Variants in ZBTB21 observed in about 807,000 individuals in gnomAD.
The protein encoded by ZBTB21 is zinc finger and BTB domain containing 21.
In ZBTB21, 10 loss-of-function variants were observed where a neutral mutation model predicts 39.8. The observed-to-expected ratio is 0.25, with a 90% CI of 0.16 to 0.43. The LOEUF (loss-of-function observed/expected upper bound fraction) is 0.43, where lower values mean the gene tolerates loss of function less well. Among genes scored for constraint, ZBTB21 ranks in the 20% least tolerant of loss-of-function variants. The pLI is 1.00. For missense variants in ZBTB21, 1,221 were observed against 1,296.3 expected (o/e 0.94, Z 0.89); for synonymous variants, 551 against 498.8 (o/e 1.10, Z -1.40).
At chr21:42,001,154 A>G (rs1227779777) in intron 2 of ZBTB21, among the ~76,000 whole-genome samples, 1 of 151,402 alleles carries the variant, frequency 6.6e-6, no homozygotes, top group Non-Finnish European at 1.5e-5. Flanking sequence ...GATAAGTAGC[A>G]GAGCAGGATT....
chr21:41,992,429 C>G lies in ZBTB21; in HGVS notation c.1667G>C (p.Arg556Thr). Residue 556 changes from arginine to threonine, a missense_variant, in exon 3 of 3, where the codon AGA becomes ACA. Arg to Thr is a moderately conservative substitution (Grantham distance 71). Around this residue, in one of 4 missense-constraint regions of ZBTB21, gnomAD observed 90 missense variants for 133.1 expected, o/e 0.68. Coordinates refer to ENST00000310826, the MANE Select transcript of ZBTB21 (RefSeq NM_001098402.2). The surrounding 1 kb of genome is among the most constrained non-coding windows in gnomAD (Gnocchi z 4.1). ...FKCKHCLKIFRSTAGLHRHVN... is the reference protein window; with the variant it reads ...FKCKHCLKIFTSTAGLHRHVN... The stretch of plus-strand genomic sequence containing the variant: ...ATGACGGTGAAGACCTGCTGTTGAT[C>G]TAAAGATCTTAAGGCAATGTTTGCA... The G allele has an allele frequency of 1.2e-6, 2 of 1,614,140 alleles. No individual in the cohort carries two copies. Among genetic ancestry groups the G allele is most frequent in the South Asian group, 1.1e-5 (1 of 91,078 alleles).
At chr21:41,997,444 C>T (rs2065761821) in intron 2 of ZBTB21, among the ~76,000 whole-genome samples, 1 of 151,880 alleles carries the variant, frequency 6.6e-6, no homozygotes, top group Non-Finnish European at 1.5e-5. Context: ...AGGGTGGTGG[C>T]ATGTGCCTGT....
rs2065616041 is a variant in ZBTB21, at chr21:41,989,063, A to C, written c.*1832T>G. On this transcript the variant is annotated 3_prime_UTR_variant, in exon 3 of 3. Transcript: ENST00000310826. ...CCCATATGCTTTAGTTTTATCCTTA[A>C]AATGCATAGATTTCTTTAAGAAAAC... is the stretch of plus-strand genomic sequence containing the variant. 1 of 152,154 alleles carries C rather than the reference A, an allele frequency of 6.6e-6. No individual in the cohort carries two copies. The highest frequency in any genetic ancestry group is 1.5e-5 in the Non-Finnish European group (1 of 67,994). 9.4% of individuals were successfully genotyped at this position (152,154 alleles called of 1,614,324 possible). A position where few individuals can be genotyped will look rare whatever the true frequency, so the allele number is the denominator to read the frequency against.
chr21:41,992,350 C>G lies in ZBTB21; in HGVS notation c.1746G>C (p.Lys582Asn). 6.8e-6 allele frequency: 11 copies of G among 1,614,184 alleles called. No homozygotes were observed. Among genetic ancestry groups the G allele is most frequent in the Non-Finnish European group, 9.3e-6 (11 of 1,180,036 alleles). ...ACACTTTGAAGTTGGTGTGAAACCT[C>G]TTGTGACAGATGTCACAAGCGTAGG... is the stretch of plus-strand genomic sequence containing the variant. Reference protein sequence around the residue: ...EKPYACDICHKRFHTNFKVWT... With the variant: ...EKPYACDICHNRFHTNFKVWT... Residue 582 changes from lysine (K) to asparagine (N), a missense_variant, in exon 3 of 3, where the codon AAG (lysine) becomes AAC (asparagine). Around this residue, in one of 4 missense-constraint regions of ZBTB21, gnomAD observed 90 missense variants for 133.1 expected, o/e 0.68. Coordinates refer to ENST00000310826, the MANE Select transcript of ZBTB21 (RefSeq NM_001098402.2). This position sits in a 1 kb window ranked among gnomAD's most constrained non-coding sequence, Gnocchi z 4.1.
Position 41,993,539 on chromosome 21 carries a change from G to C in ZBTB21, c.557C>G (p.Thr186Ser). The C allele has an allele frequency of 1.2e-6, 2 of 1,614,202 alleles. No homozygotes were observed. The highest frequency in any genetic ancestry group is 1.3e-5 in the African/African-American group (1 of 75,038). ...TGGTTTTGGGACATGTGGCTTATTG[G>C]TATTGGCCTTGACTGCAATGCTAGG... ...PSPSIAVKAN[T>S]NKPHVPKPIE... Residue 186 changes from threonine to serine, a missense_variant, in exon 3 of 3, where the codon ACC (threonine) becomes AGC (serine). Physicochemically the swap from Thr to Ser is moderately conservative, Grantham distance 58. This residue lies in a region of ZBTB21 where 500 missense variants were observed against 465.6 expected (regional missense o/e 1.07). Coordinates refer to ENST00000310826, the MANE Select transcript of ZBTB21 (RefSeq NM_001098402.2).
chr21:41,993,723 G>C lies in ZBTB21; in HGVS notation c.373C>G (p.Pro125Ala), dbSNP rs755389573. 6.8e-6 allele frequency: 11 copies of C among 1,613,930 alleles called. No homozygotes were observed. The highest frequency in any genetic ancestry group is 1.6e-4 in the Middle Eastern group (1 of 6,084). ...TTTCTATTAGGACACGTTGGAAAGG[G>C]GGCTTGAGGTGTTTTAGAAACGATG... The part of the protein sequence containing the change: ...TNIVSKTPQA[P>A]FPTCPNRKKV... Residue 125 changes from proline to alanine, a missense_variant, in exon 3 of 3, where the codon CCC becomes GCC. By Grantham distance (27) the Pro-to-Ala change is conservative. Coordinates refer to ENST00000310826, the MANE Select transcript of ZBTB21 (RefSeq NM_001098402.2).
chr21:41,993,228 AG>A lies in ZBTB21; in HGVS notation c.867del (p.Tyr290IlefsTer3). 1 of 1,611,886 alleles carries A rather than the reference AG, an allele frequency of 6.2e-7. No homozygotes were observed. The highest frequency in any genetic ancestry group is 8.5e-7 in the Non-Finnish European group (1 of 1,180,032). On this transcript the variant is annotated frameshift_variant, in exon 3 of 3. Coordinates refer to ENST00000310826, the MANE Select transcript of ZBTB21 (RefSeq NM_001098402.2). LOFTEE classifies it high-confidence loss of function. ...CCTTTGTTAGTTTCTTTTAATAGAT[AG>A]GGAGTCTCTGATGAGCTACAAACAG... Reference protein sequence around the residue: ...VLSVCSSSETPYLLKETNKGN... With the variant: ...VLSVCSSSETXYLLKETNKGN...
chr21:42,000,946 T>A (rs545630911), intron 2 of ZBTB21, among the ~76,000 whole-genome samples: 1 of 152,358 alleles, frequency 6.6e-6, no homozygotes, highest in South Asian at 2.1e-4. Flanking sequence ...TTCCATTCAG[T>A]AGAACAGTAA....
At chr21:41,997,373 C>T (rs9983478) in intron 2 of ZBTB21, among the ~76,000 whole-genome samples, 4 of 152,168 alleles carry the variant, frequency 2.6e-5, no homozygotes, top group African/African-American at 9.6e-5. Context: ...GTCAGGAGTT[C>T]GAGACAAGCC....
At position 41,990,818 on chromosome 21, in the gene ZBTB21, TTTG is replaced by T; in HGVS notation, c.*74_*76del. 7.5e-7 allele frequency: 1 copy of T among 1,324,800 alleles called. No homozygotes were observed. Among genetic ancestry groups the T allele is most frequent in the African/African-American group, 1.5e-5 (1 of 66,928 alleles). 82.1% of individuals were successfully genotyped at this position (1,324,800 alleles called of 1,614,324 possible). A position where few individuals can be genotyped will look rare whatever the true frequency, so the allele number is the denominator to read the frequency against. On this transcript the variant is annotated 3_prime_UTR_variant, in exon 3 of 3. Transcript: ENST00000310826. ...TTTATTATTCTTGTTTAAAAAATAT[TTTG>T]TTTCTTATGACACATTTCACAATTC...
At position 41,989,519 on chromosome 21, in the gene ZBTB21, C is replaced by CA. The variant is rs2065622661; in HGVS notation, c.*1375dup. The CA allele has an allele frequency of 2.0e-5, 3 of 152,016 alleles. No individual in the cohort carries two copies. The South Asian group carries it at 6.2e-4, about 32-fold the overall frequency. The allele number at this position is 152,016 out of a possible 1,614,324, so 9.4% of individuals were successfully genotyped here. ...TTTTAATACATCTAACTCCCACCCCCACAAGTAAAAGTTTTCCCTTTTGAA... is the reference window on the plus strand; with the variant it reads ...TTTTAATACATCTAACTCCCACCCCCAACAAGTAAAAGTTTTCCCTTTTGAA... On this transcript the variant is annotated 3_prime_UTR_variant, in exon 3 of 3. Transcript: ENST00000310826.
chr21:41,994,036 C>A lies in ZBTB21; in HGVS notation c.60G>T (p.Leu20=). 1 of 1,614,072 alleles carries A rather than the reference C, an allele frequency of 6.2e-7. No homozygotes were observed. The highest frequency in any genetic ancestry group is 1.1e-5 in the South Asian group (1 of 91,026). Residue 20 remains leucine (L), a synonymous_variant, in exon 3 of 3, where the codon CTG becomes CTT. Coordinates refer to ENST00000310826, the MANE Select transcript of ZBTB21 (RefSeq NM_001098402.2). Reference sequence around the variant, plus strand: ...GCTGTCCTTTGAGACGCTCCTCATTCAGGGCACTTAGGAGAGAAATGGCGT... The same window carrying A: ...GCTGTCCTTTGAGACGCTCCTCATTAAGGGCACTTAGGAGAGAAATGGCGT... ...PAHAISLLSA[L]NEERLKGQLC...
In ZBTB21 at chr21:41,991,820, G is replaced by A. The variant is rs140690647; in HGVS notation, c.2276C>T (p.Ser759Leu). 38 of 1,614,226 alleles carry A rather than the reference G, an allele frequency of 2.4e-5. No individual in the cohort carries two copies. The highest frequency in any genetic ancestry group is 3.0e-5 in the Non-Finnish European group (35 of 1,180,042). ...CTCGTGTTCTTGCTTCAGCTCGGGC[G>A]AGAAAAACCTGAGGCTGCAGTAAGG... ...VCPYCSLRFF[S>L]PELKQEHESK... Residue 759 changes from serine (S) to leucine (L), a missense_variant, in exon 3 of 3, where the codon TCG becomes TTG. This residue lies in a region of ZBTB21 where 523 missense variants were observed against 542.5 expected (regional missense o/e 0.96). Transcript: ENST00000310826. The surrounding 1 kb of genome is among the most constrained non-coding windows in gnomAD (Gnocchi z 4.9).
Position 41,990,925 on chromosome 21 carries a change from A to G in ZBTB21, c.3171T>C (p.Ser1057=). Residue 1057 remains serine (S), a synonymous_variant, in exon 3 of 3, where the codon AGT becomes AGC. Transcript: ENST00000310826. ...LCHRTFKTAF[S]LWSHEQTHN is the part of the protein sequence containing the mutation. ...TGTGTGTTTGTTCGTGACTCCAAAG[A>G]CTAAATGCAGTCTTGAATGTCCTGT... 2 of 1,499,970 alleles carry G rather than the reference A, an allele frequency of 1.3e-6. No individual in the cohort carries two copies. Among genetic ancestry groups the G allele is most frequent in the Non-Finnish European group, 1.8e-6 (2 of 1,126,620 alleles). The allele number at this position is 1,499,970 out of a possible 1,614,324, so 92.9% of individuals were successfully genotyped here. A position where few individuals can be genotyped will look rare whatever the true frequency, so the allele number is the denominator to read the frequency against.
In ZBTB21 at chr21:41,993,021, A is replaced by T. The variant is rs976840377; in HGVS notation, c.1075T>A (p.Leu359Met). The T allele has an allele frequency of 6.2e-7, 1 of 1,614,176 alleles. No individual in the cohort carries two copies. The highest frequency in any genetic ancestry group is 2.2e-5 in the East Asian group (1 of 44,882). The change falls in exon 3 of 3, where the codon TTG (leucine) becomes ATG (methionine). Residue 359 changes from leucine (L) to methionine (M), a missense_variant. Transcript: ENST00000310826. ...GAAGATGATCCCTGGGAAGATTTCA[A>T]ATCTATGGAAGGTGAATAGACAGGA... ...QVPVYSPSIDLKSSQGSSSVS... is the reference protein window; with the variant it reads ...QVPVYSPSIDMKSSQGSSSVS...
chr21:42,006,685 C>G (rs1017620986), intron 1 of ZBTB21, among the ~76,000 whole-genome samples: 8 of 152,124 alleles, frequency 5.3e-5, no homozygotes, highest in African/African-American at 1.9e-4. Flanking sequence ...CCACTCTTCC[C>G]TCCCAAATTT....
At position 41,991,387 on chromosome 21, in the gene ZBTB21, G is replaced by C; in HGVS notation, c.2709C>G (p.Ser903Arg). 6.2e-7 allele frequency: 1 copy of C among 1,606,798 alleles called. No homozygotes were observed. Among genetic ancestry groups the C allele is most frequent in the Non-Finnish European group, 8.5e-7 (1 of 1,176,602 alleles). Residue 903 changes from serine (S) to arginine (R), a missense_variant, in exon 3 of 3, where the codon AGC becomes AGG. By Grantham distance (110) the Ser-to-Arg change is moderately radical (BLOSUM62 -1). Coordinates refer to ENST00000310826, the MANE Select transcript of ZBTB21 (RefSeq NM_001098402.2). This position sits in a 1 kb window ranked among gnomAD's most constrained non-coding sequence, Gnocchi z 4.9. The part of the protein sequence containing the change: ...ASTAPKEAGP[S>R]KEASLWPCEK... ...CGCAGGGCCACAGGCTGGCTTCTTT[G>C]CTAGGACCCGCTTCTTTGGGGGCTG...
In ZBTB21 at chr21:41,987,710, C is replaced by G. The variant is rs1304030464; in HGVS notation, c.*3185G>C. The G allele has an allele frequency of 6.6e-6, 1 of 151,808 alleles. No individual in the cohort carries two copies. The highest frequency in any genetic ancestry group is 1.5e-5 in the Non-Finnish European group (1 of 67,870). 9.4% of individuals were successfully genotyped at this position (151,808 alleles called of 1,614,324 possible). ...TGAAGTTCCAGATTACAGTTGTATA[C>G]ACACATGCATGCATGTGTGTACAAA... On this transcript the variant is annotated 3_prime_UTR_variant, in exon 3 of 3. Coordinates refer to ENST00000310826, the MANE Select transcript of ZBTB21 (RefSeq NM_001098402.2).
intron 1 of ZBTB21, among the ~76,000 whole-genome samples, chr21:42,007,061 A>G (rs141659792): frequency 0.014 from 2,162 of 152,368 alleles, 46 homozygotes; most frequent in Non-Finnish European, 0.015. Context: ...ACTTCATCTT[A>G]TAACGTGCAA....
Sources: gnomAD v4.1 joint callset for allele counts (sites outside exome capture counted in the v4.1 genomes callset) on GRCh38, gnomAD v4.1.1 for gene constraint, gnomAD v4.1.1 regional missense constraint, Gnocchi (gnomAD v3.1) non-coding constraint, MANE v1.5 for transcripts, NCBI Gene and HGNC (gene_info 2026-07-23, HGNC 2026-07-21) for gene names.